Variants in ATG10 observed in about 807,000 individuals in gnomAD.
ATG10 encodes autophagy related 10, also known as ubiquitin-like-conjugating enzyme ATG10.
In ATG10, 30 loss-of-function variants were observed where a neutral mutation model predicts 32.1. The ratio of observed to expected loss-of-function variants is 0.94; its 90% confidence interval spans 0.70 to 1.27. The LOEUF is 1.27. Ranked by LOEUF, ATG10 falls within the 50% of genes most tolerant of loss-of-function variation. ATG10 has a pLI of 0.00. For synonymous variants in ATG10, 87 were observed against 91.5 expected (o/e 0.95, Z 0.28); for missense variants, 233 against 262.3 (o/e 0.89, Z 0.77).
At chr5:82,152,605 G>A (rs1366981520) in intron 3 of ATG10, among the ~76,000 whole-genome samples, 1 of 152,186 alleles carries the variant, frequency 6.6e-6, no homozygotes, top group Non-Finnish European at 1.5e-5. Context: ...AGGCCTTTTG[G>A]TGCCTGAGCA....
At chr5:82,250,902 G>A (rs1346780309) in intron 5 of ATG10, among the ~76,000 whole-genome samples, 1 of 152,218 alleles carries the variant, frequency 6.6e-6, no homozygotes, top group Non-Finnish European at 1.5e-5. Flanking sequence ...AGTTGGACAG[G>A]AGGACTTGGC....
At chr5:81,994,588 C>G (rs1761606386) in intron 2 of ATG10, among the ~76,000 whole-genome samples, 1 of 152,162 alleles carries the variant, frequency 6.6e-6, no homozygotes, top group African/African-American at 2.4e-5. Context: ...AAATGCAATT[C>G]TGAGTTCCTT....
intron 5 of ATG10, among the ~76,000 whole-genome samples, chr5:82,203,968 A>C (rs1745185817): frequency 6.6e-6 from 1 of 152,226 alleles, no homozygotes; most frequent in Non-Finnish European, 1.5e-5. Flanking sequence ...ATAGGTAAAA[A>C]TTGCTGCTTT....
intron 3 of ATG10, among the ~76,000 whole-genome samples, chr5:82,118,621 TATTGA>T (rs1264054165): frequency 6.6e-6 from 1 of 151,932 alleles, no homozygotes; most frequent in Non-Finnish European, 1.5e-5. Flanking sequence ...ATTTTGGACA[TATTGA>T]ATTGAGATGC....
intron 3 of ATG10, among the ~76,000 whole-genome samples, chr5:82,115,782 G>A (rs1359022935): frequency 6.6e-6 from 1 of 152,030 alleles, no homozygotes; most frequent in Non-Finnish European, 1.5e-5. Flanking sequence ...CAAAGGGTAG[G>A]GTCTTTTATG....
chr5:82,141,833 T>TA (rs1767161218), intron 3 of ATG10, among the ~76,000 whole-genome samples: 1 of 151,642 alleles, frequency 6.6e-6, no homozygotes, highest in South Asian at 2.1e-4. Flanking sequence ...CACACACCCA[T>TA]ACCCATAAGG....
intron 2 of ATG10, among the ~76,000 whole-genome samples, chr5:82,021,942 G>C (rs927436304): frequency 6.6e-6 from 1 of 151,462 alleles, no homozygotes; most frequent in African/African-American, 2.4e-5. Context: ...AGAATCGCTT[G>C]AACTCAGGAG....
At chr5:81,983,991 C>G (rs866361995) in intron 1 of ATG10, among the ~76,000 whole-genome samples, 2 of 152,120 alleles carry the variant, frequency 1.3e-5, no homozygotes, top group African/African-American at 2.4e-5. Flanking sequence ...GGATGGCGGC[C>G]GGGCAGAGAC....
intron 3 of ATG10, among the ~76,000 whole-genome samples, chr5:82,074,190 A>G (rs1442267775): frequency 6.6e-6 from 1 of 152,216 alleles, no homozygotes; most frequent in African/African-American, 2.4e-5. Context: ...CTGGAAAATG[A>G]ACACGAAGAC....
At chr5:82,145,660 T>A (rs1022723588) in intron 3 of ATG10, among the ~76,000 whole-genome samples, 3 of 152,128 alleles carry the variant, frequency 2.0e-5, no homozygotes, top group Non-Finnish European at 2.9e-5. Flanking sequence ...TTATAACTTT[T>A]GCTTAAAACT....
At chr5:82,109,699 A>G (rs1765553016) in intron 3 of ATG10, among the ~76,000 whole-genome samples, 1 of 151,664 alleles carries the variant, frequency 6.6e-6, no homozygotes, top group South Asian at 2.1e-4. Context: ...AGATAACCAG[A>G]AATAGAATTT....
chr5:82,082,178 TC>T (rs1018869032), intron 3 of ATG10, among the ~76,000 whole-genome samples: 3 of 152,150 alleles, frequency 2.0e-5, no homozygotes, highest in Non-Finnish European at 4.4e-5. Context: ...CCAAACCATT[TC>T]AGCAATCATT....
chr5:82,042,551 G>A (rs2149729391), intron 2 of ATG10, among the ~76,000 whole-genome samples: 1 of 152,228 alleles, frequency 6.6e-6, no homozygotes, highest in South Asian at 2.1e-4. Context: ...CAAAAGTCCA[G>A]AGTCCAAAGT....
chr5:82,033,909 T>C (rs1762820438), intron 2 of ATG10, among the ~76,000 whole-genome samples: 1 of 149,376 alleles, frequency 6.7e-6, no homozygotes, highest in African/African-American at 2.4e-5. Context: ...ATATGTACTA[T>C]GTATATATAC....
Position 82,008,191 on chromosome 5 carries a change from T to C in ATG10, c.108+20513T>C, listed in dbSNP as rs556022038. 2.0e-5 allele frequency among the ~76,000 whole-genome samples: 3 copies of C among 152,298 alleles called. No individual in the cohort carries two copies. In the South Asian group the frequency reaches 6.2e-4, roughly 32 times the overall value. On this transcript the variant is annotated intron_variant, in intron 2 of 7. Coordinates refer to ENST00000282185, the MANE Select transcript of ATG10 (RefSeq NM_031482.5). ...TAGTGTAATACTGTATTTGTTTAAG[T>C]CATCTGCTGTGAGTTAATGAAATAT...
rs756215258 is a variant in ATG10, at chr5:82,164,388, C to CT, written c.217-3dup. On this transcript the variant is annotated splice_polypyrimidine_tract_variant and intron_variant, in intron 3 of 7. Transcript: ENST00000282185. ...GAAACCCGTTTTCGTTTTGTTTTTGCTTTTTTTTAGGAGGCTTTCGAGCTA... is the reference window on the plus strand; with the variant it reads ...GAAACCCGTTTTCGTTTTGTTTTTGCTTTTTTTTTAGGAGGCTTTCGAGCTA... The CT allele has an allele frequency of 9.9e-6, 16 of 1,610,526 alleles. No homozygotes were observed. The highest frequency in any genetic ancestry group is 2.7e-5 in the African/African-American group (2 of 74,540).
intron 5 of ATG10, among the ~76,000 whole-genome samples, chr5:82,246,458 G>A (rs1041715263): frequency 6.6e-6 from 1 of 151,380 alleles, no homozygotes; most frequent in Admixed American, 6.6e-5. Context: ...GGAGATTAAG[G>A]TGGAAGGATC....
chr5:82,177,191 C>A (rs1561341465), intron 4 of ATG10, among the ~76,000 whole-genome samples: 1 of 152,078 alleles, frequency 6.6e-6, no homozygotes, highest in East Asian at 1.9e-4. Flanking sequence ...CTCAAAAGAA[C>A]AATACCCAGA....
At chr5:82,213,789 G>GT (rs1194239419) in intron 5 of ATG10, among the ~76,000 whole-genome samples, 3 of 152,182 alleles carry the variant, frequency 2.0e-5, no homozygotes, top group Admixed American at 6.5e-5. Context: ...AGGTGGATAA[G>GT]TACTCCAGAA....
Sources: gnomAD v4.1 joint callset for allele counts (sites outside exome capture counted in the v4.1 genomes callset) on GRCh38, gnomAD v4.1.1 for gene constraint, MANE v1.5 for transcripts, NCBI Gene and HGNC (gene_info 2026-07-23, HGNC 2026-07-21) for gene names.